UBE2E3: variants seen among roughly 807,000 people sequenced by gnomAD.
The protein encoded by UBE2E3 is ubiquitin-conjugating enzyme E2 E3.
UBE2E3 carries 5 observed loss-of-function variants against 23.6 expected under a neutral mutation model. The observed-to-expected ratio is 0.21, with a 90% confidence interval of 0.11 to 0.44. UBE2E3 has a LOEUF of 0.44. Ranked by LOEUF, UBE2E3 falls within the 20% of genes least tolerant of loss-of-function variation. UBE2E3 has a pLI of 0.99. For synonymous variants in UBE2E3, 78 were observed against 87.5 expected (o/e 0.89, Z 0.60); for missense variants, 81 against 249.8 (o/e 0.32, Z 4.55).
chr2:181,040,988 G>A (rs990326370), intron 3 of UBE2E3, among the ~76,000 whole-genome samples: 11 of 151,940 alleles, frequency 7.2e-5, no homozygotes, highest in African/African-American at 1.9e-4. Flanking sequence ...AGTGGCTGAC[G>A]CCTGTAATCC....
At chr2:180,990,367 C>T (rs1684619555) in intron 3 of UBE2E3, among the ~76,000 whole-genome samples, 1 of 151,994 alleles carries the variant, frequency 6.6e-6, no homozygotes, top group Non-Finnish European at 1.5e-5. Flanking sequence ...GTTGAGAGAC[C>T]CTCCTATAGA....
intron 3 of UBE2E3, among the ~76,000 whole-genome samples, chr2:181,006,281 C>A (rs1685145489): frequency 6.6e-6 from 1 of 152,012 alleles, no homozygotes; most frequent in Admixed American, 6.6e-5. Context: ...GGTTTAAGGC[C>A]ATAGAGTTTG....
intron 3 of UBE2E3, among the ~76,000 whole-genome samples, chr2:181,020,698 G>A (rs1169683485): frequency 6.6e-6 from 1 of 152,158 alleles, no homozygotes; most frequent in African/African-American, 2.4e-5. Flanking sequence ...CAGAGGGAAT[G>A]CCTAAACTAG....
chr2:181,046,365 G>A (rs558248604), intron 3 of UBE2E3, among the ~76,000 whole-genome samples: 3 of 152,182 alleles, frequency 2.0e-5, no homozygotes, highest in Middle Eastern at 3.4e-3. Context: ...ACCTGCCCTC[G>A]TATATCAAAC....
intron 3 of UBE2E3, among the ~76,000 whole-genome samples, chr2:181,001,127 G>C (rs1684977297): frequency 6.6e-6 from 1 of 152,190 alleles, no homozygotes; most frequent in Non-Finnish European, 1.5e-5. Flanking sequence ...GAAACCTGTT[G>C]AAAGTTTTGA....
intron 3 of UBE2E3, among the ~76,000 whole-genome samples, chr2:180,995,259 A>T (rs1342107185): frequency 1.3e-5 from 2 of 152,292 alleles, no homozygotes; most frequent in South Asian, 4.1e-4. Context: ...GAGAAAAGTC[A>T]TGACTTTACA....
At chr2:181,055,565 C>T (rs958175354) in intron 3 of UBE2E3, among the ~76,000 whole-genome samples, 1 of 151,784 alleles carries the variant, frequency 6.6e-6, no homozygotes, top group Non-Finnish European at 1.5e-5. Flanking sequence ...TTAGCCTTCA[C>T]TTGTCCTAAA....
chr2:181,042,287 G>T (rs1686537370), intron 3 of UBE2E3, among the ~76,000 whole-genome samples: 1 of 152,202 alleles, frequency 6.6e-6, no homozygotes, highest in Non-Finnish European at 1.5e-5. Context: ...TGAAGCATCA[G>T]TTAATATTCT....
intron 3 of UBE2E3, among the ~76,000 whole-genome samples, chr2:181,021,354 C>T (rs1295209368): frequency 1.4e-5 from 2 of 142,974 alleles, no homozygotes; most frequent in African/African-American, 5.3e-5. Flanking sequence ...CTTCTTTTCT[C>T]TTCTTTTTTT....
At chr2:181,032,195 G>T (rs1444960335) in intron 3 of UBE2E3, among the ~76,000 whole-genome samples, 1 of 152,134 alleles carries the variant, frequency 6.6e-6, no homozygotes, top group Non-Finnish European at 1.5e-5. Context: ...TTTTGTTGAA[G>T]TAGTGTGTTA....
intron 3 of UBE2E3, among the ~76,000 whole-genome samples, chr2:181,034,482 A>G (rs550076717): frequency 6.6e-6 from 1 of 152,206 alleles, no homozygotes; most frequent in Non-Finnish European, 1.5e-5. Context: ...AACAATGAGA[A>G]CACTTGGACA....
At chr2:181,013,164 A>G (rs940392918) in intron 3 of UBE2E3, among the ~76,000 whole-genome samples, 3 of 152,172 alleles carry the variant, frequency 2.0e-5, no homozygotes, top group South Asian at 4.1e-4. Flanking sequence ...GTTAATTGCA[A>G]CAAAGGAAAA....
At chr2:180,991,827 A>G (rs57357885) in intron 3 of UBE2E3, among the ~76,000 whole-genome samples, 42 of 150,826 alleles carry the variant, frequency 2.8e-4, no homozygotes, top group African/African-American at 9.9e-4. Flanking sequence ...GCCCAAGTGG[A>G]TGGAGCAGGG....
At chr2:180,993,586 T>G (rs11898536) in intron 3 of UBE2E3, among the ~76,000 whole-genome samples, 2,747 of 152,326 alleles carry the variant, frequency 0.018, 69 homozygotes, top group African/African-American at 0.063. Flanking sequence ...ATCATCATCA[T>G]GATCCCCCTT....
intron 3 of UBE2E3, among the ~76,000 whole-genome samples, chr2:181,021,562 T>TCCTTCCTTCCTTCCTCCCTCCCTC (rs1559124271): frequency 0.014 from 481 of 35,098 alleles, 25 homozygotes; most frequent in Non-Finnish European, 0.02. Context: ...CTCCCTTCCT[T>TCCTTCCTTCCTTCCTCCCTCCCTC]CCTTCCTTCC....
intron 3 of UBE2E3, among the ~76,000 whole-genome samples, chr2:181,050,895 CCTT>C (rs1453704858): frequency 1.3e-5 from 2 of 151,848 alleles, no homozygotes; most frequent in Admixed American, 1.3e-4. Context: ...TTTGAAACTT[CCTT>C]CTTTCTTGTT....
chr2:181,039,123 C>CTT (rs11289425), intron 3 of UBE2E3, among the ~76,000 whole-genome samples: 129 of 66,226 alleles, frequency 1.9e-3, no homozygotes, highest in East Asian at 4.2e-3. Context: ...AGAATGTGAC[C>CTT]TTTTTTTTTT....
intron 3 of UBE2E3, among the ~76,000 whole-genome samples, chr2:181,038,977 A>T (rs1443018145): frequency 1.3e-5 from 2 of 152,198 alleles, no homozygotes; most frequent in African/African-American, 4.8e-5. Flanking sequence ...TGAGAAGGCA[A>T]AATGGTATGG....
At chr2:181,043,201 A>G (rs1471341105) in intron 3 of UBE2E3, among the ~76,000 whole-genome samples, 1 of 152,228 alleles carries the variant, frequency 6.6e-6, no homozygotes, top group Admixed American at 6.5e-5. Context: ...TAACCTGAAC[A>G]CATTTTTTCA....
Sources: allele counts gnomAD v4.1 joint callset (sites outside exome capture counted in the v4.1 genomes callset), GRCh38; gene constraint gnomAD v4.1.1; transcripts MANE v1.5; gene names NCBI Gene and HGNC (gene_info 2026-07-23, HGNC 2026-07-21).